The following SNX30 variants were observed in gnomAD, a reference collection of about 807,000 sequenced individuals.
SNX30 encodes sorting nexin family member 30.
A neutral mutation model predicts 46.4 loss-of-function variants in SNX30; 24 were observed. The observed-to-expected ratio is 0.52, with a 90% CI of 0.37 to 0.73. The LOEUF (loss-of-function observed/expected upper bound fraction) is 0.73. SNX30 is among the 30% of genes least tolerant of loss of function. The probability of loss-of-function intolerance (pLI) is 0.00; values close to 1 mark genes in which losing one functional copy is unlikely to be tolerated. For missense variants in SNX30, 533 were observed against 555.7 expected, an observed-to-expected ratio of 0.96 and a Z score of 0.41; for synonymous variants, 189 against 211.5, an observed-to-expected ratio of 0.89 and a Z score of 0.92.
rs1841429950 is a variant in SNX30 at position 112,870,571 on chromosome 9, T to C, written c.*1728T>C. The C allele has an allele frequency of 6.6e-6, 1 of 152,276 alleles. No individual in the cohort carries two copies. Among genetic ancestry groups the C allele is most frequent in the Non-Finnish European group, 1.5e-5 (1 of 68,058 alleles). The allele number at this position is 152,276 out of a possible 1,614,324, so 9.4% of individuals were successfully genotyped here. ...CTATTTGTGCCATTCTCAAGTCCTT[T>C]GATGTGAATTTTCAGTTTGGTACAG... On this transcript the variant is annotated 3_prime_UTR_variant, in exon 9 of 9. Coordinates refer to ENST00000374232, the MANE Select transcript of SNX30 (RefSeq NM_001012994.2).
At chr9:112,850,256 C>T (rs1471678553) in intron 6 of SNX30, among the ~76,000 whole-genome samples, 3 of 152,186 alleles carry the variant, frequency 2.0e-5, no homozygotes, top group African/African-American at 7.2e-5. Flanking sequence ...CAGGTATAGC[C>T]CCTTTAGCAC....
At chr9:112,812,324 C>T (rs374445006) in intron 2 of SNX30, among the ~76,000 whole-genome samples, 5 of 152,234 alleles carry the variant, frequency 3.3e-5, no homozygotes, top group South Asian at 2.1e-4. Flanking sequence ...GATGCGATCT[C>T]GGCTCACTGC....
chr9:112,837,159 C>T (rs763980126), intron 5 of SNX30, among the ~76,000 whole-genome samples: 1 of 152,166 alleles, frequency 6.6e-6, no homozygotes, highest in Non-Finnish European at 1.5e-5. Flanking sequence ...TGGCAAGACT[C>T]TTGGTGACAA....
intron 3 of SNX30, among the ~76,000 whole-genome samples, chr9:112,822,529 CTGTTT>C (rs1236448901): frequency 5.4e-5 from 3 of 56,028 alleles, no homozygotes; most frequent in Admixed American, 2.8e-4. Context: ...TGTCCCTTTG[CTGTTT>C]TGTTTTGTTT....
At chr9:112,783,142 A>T (rs1839871110) in intron 1 of SNX30, among the ~76,000 whole-genome samples, 1 of 152,182 alleles carries the variant, frequency 6.6e-6, no homozygotes, top group African/African-American at 2.4e-5. Flanking sequence ...TGCAAAGGTG[A>T]ATGTGGTGGT....
At chr9:112,816,510 T>G (rs891546601) in intron 2 of SNX30, among the ~76,000 whole-genome samples, 1 of 152,172 alleles carries the variant, frequency 6.6e-6, no homozygotes, top group African/African-American at 2.4e-5. Flanking sequence ...AGGCATATGC[T>G]GGTGTGTGGG....
intron 1 of SNX30, among the ~76,000 whole-genome samples, chr9:112,752,181 A>G (rs1195525129): frequency 1.3e-5 from 2 of 152,156 alleles, no homozygotes; most frequent in Non-Finnish European, 2.9e-5. Flanking sequence ...GGAGTATGAG[A>G]AAATATAACC....
chr9:112,750,927 C>T lies in SNX30; in HGVS notation c.-75C>T, dbSNP rs1839263050. The stretch of plus-strand genomic sequence containing the variant: ...AAGCGGCGGCCGAGCGGGGCTCGGC[C>T]CGGGGTGCTCGGGGAGCTCGCCGCG... On this transcript the variant is annotated 5_prime_UTR_variant, in exon 1 of 9. Coordinates refer to ENST00000374232, the MANE Select transcript of SNX30 (RefSeq NM_001012994.2). 2.6e-6 allele frequency: 3 copies of T among 1,156,042 alleles called. No homozygotes were observed. The highest frequency in any genetic ancestry group is 4.1e-5 in the East Asian group (1 of 24,280). The allele number at this position is 1,156,042 out of a possible 1,614,324, so 71.6% of individuals were successfully genotyped here. A position where few individuals can be genotyped will look rare whatever the true frequency, so the allele number is the denominator to read the frequency against.
At chr9:112,750,085 C>T (rs1839240016), upstream of SNX30, among the ~76,000 whole-genome samples, 1 of 152,334 alleles carries the variant, frequency 6.6e-6, no homozygotes, top group South Asian at 2.1e-4. Context: ...CCTCATGGTT[C>T]TTTCAAAAGT....
intron 2 of SNX30, among the ~76,000 whole-genome samples, chr9:112,810,968 C>CGAGCAGCTCACA (rs1420568511): frequency 3.3e-5 from 5 of 152,220 alleles, no homozygotes; most frequent in Non-Finnish European, 7.4e-5. Context: ...TTGTGGAATG[C>CGAGCAGCTCACA]GAGCAGCTCA....
chr9:112,863,666 T>C (rs553110886), intron 7 of SNX30, among the ~76,000 whole-genome samples: 16 of 152,342 alleles, frequency 1.1e-4, no homozygotes, highest in African/African-American at 3.8e-4. Flanking sequence ...GTATCTGCTA[T>C]TGGGAAAAGC....
chr9:112,756,507 C>T (rs893079628), intron 1 of SNX30, among the ~76,000 whole-genome samples: 2 of 133,430 alleles, frequency 1.5e-5, no homozygotes, highest in African/African-American at 2.9e-5. Context: ...TGCAATGGCA[C>T]GATCTCAGCT....
intron 2 of SNX30, among the ~76,000 whole-genome samples, chr9:112,812,525 A>C (rs1840336135): frequency 6.6e-6 from 1 of 152,168 alleles, no homozygotes; most frequent in Non-Finnish European, 1.5e-5. Context: ...AAGTGCTGGG[A>C]TTACAGGTGT....
chr9:112,876,234 G>C (rs539740384), downstream of SNX30, among the ~76,000 whole-genome samples: 20 of 152,270 alleles, frequency 1.3e-4, no homozygotes, highest in East Asian at 1.5e-3. Flanking sequence ...GAGATTCTTG[G>C]GGGGAGGAGA....
chr9:112,770,009 G>C (rs955983835), intron 1 of SNX30, among the ~76,000 whole-genome samples: 3 of 151,952 alleles, frequency 2.0e-5, no homozygotes, highest in Admixed American at 6.6e-5. Context: ...TACCCTGACT[G>C]CTGTCATCCC....
chr9:112,823,991 G>A (rs1840543710), intron 3 of SNX30, among the ~76,000 whole-genome samples: 3 of 152,094 alleles, frequency 2.0e-5, no homozygotes, highest in Admixed American at 1.3e-4. Context: ...CTATTAGTTC[G>A]ACAAGGGTAG....
At chr9:112,771,748 T>C (rs986797765) in intron 1 of SNX30, among the ~76,000 whole-genome samples, 12 of 152,316 alleles carry the variant, frequency 7.9e-5, no homozygotes, top group Middle Eastern at 6.8e-3. Context: ...TATGACTGTT[T>C]TTGAGAAGGG....
chr9:112,884,628 T>C (rs1177102984), downstream of SNX30, among the ~76,000 whole-genome samples: 1 of 152,186 alleles, frequency 6.6e-6, no homozygotes, highest in Non-Finnish European at 1.5e-5. Context: ...TAGCAGTCAA[T>C]TTAAAATCTG....
rs370816131 is a variant in SNX30, at chr9:112,804,787, G to T, written c.168G>T (p.Leu56Phe). The T allele has an allele frequency of 4.1e-5, 66 of 1,606,346 alleles. No homozygotes were observed. In the African/African-American group the frequency reaches 6.6e-4, roughly 16 times the overall value. The change falls in exon 2 of 9, where the codon TTG becomes TTT. Residue 56 changes from leucine to phenylalanine, a missense_variant. Transcript: ENST00000374232. ...TTTTCTTCTTTTAGGATCTCATTTT[G>T]CCCAACGGTGGTACTCCAGCAGGTA... is the stretch of plus-strand genomic sequence containing the variant. ...ARSFGDKDLI[L>F]PNGGTPAGTS...
Sources: allele counts gnomAD v4.1 joint callset (sites outside exome capture counted in the v4.1 genomes callset), GRCh38; gene constraint gnomAD v4.1.1; transcripts MANE v1.5; gene names NCBI Gene and HGNC (gene_info 2026-07-23, HGNC 2026-07-21).